SUGCT: variants seen among roughly 807,000 people sequenced by gnomAD.
The protein encoded by SUGCT is succinyl-CoA:glutarate CoA-transferase.
In SUGCT, 41 loss-of-function variants were observed where a neutral mutation model predicts 55.0. The observed-to-expected ratio is 0.74, with a 90% CI of 0.58 to 0.97. SUGCT has a LOEUF of 0.97. SUGCT is among the 50% of genes least tolerant of loss of function. The probability of loss-of-function intolerance (pLI) is 0.00; values close to 1 mark genes in which losing one functional copy is unlikely to be tolerated. For synonymous variants in SUGCT, 187 were observed against 200.4 expected (o/e 0.93, Z 0.56); for missense variants, 568 against 547.8 (o/e 1.04, Z -0.37).
intron 8 of SUGCT, among the ~76,000 whole-genome samples, chr7:40,294,153 G>T (rs1354730391): frequency 6.6e-6 from 1 of 151,944 alleles, no homozygotes; most frequent in East Asian, 1.9e-4. Context: ...TCACCATGCT[G>T]GCCAGGCTGG....
At chr7:40,493,562 A>T (rs1158962863) in intron 11 of SUGCT, among the ~76,000 whole-genome samples, 1 of 152,232 alleles carries the variant, frequency 6.6e-6, no homozygotes, top group Non-Finnish European at 1.5e-5. Context: ...CATTCCCAGT[A>T]TTAAGTGAAT....
At chr7:40,255,977 G>GCC (rs1790788135) in intron 7 of SUGCT, among the ~76,000 whole-genome samples, 1 of 152,290 alleles carries the variant, frequency 6.6e-6, no homozygotes, top group African/African-American at 2.4e-5. Flanking sequence ...CATGTTGGGG[G>GCC]ATGGTCGGTG....
At chr7:40,202,987 T>G (rs1311052885) in intron 6 of SUGCT, among the ~76,000 whole-genome samples, 1 of 152,218 alleles carries the variant, frequency 6.6e-6, no homozygotes, top group Non-Finnish European at 1.5e-5. Flanking sequence ...CCTTTGGTAT[T>G]CTTTCAGACA....
At chr7:40,836,284 C>A (rs1471190084) in intron 13 of SUGCT, among the ~76,000 whole-genome samples, 1 of 152,050 alleles carries the variant, frequency 6.6e-6, no homozygotes, top group Admixed American at 6.5e-5. Flanking sequence ...TTTTTGTTGT[C>A]TTTTCATAGC....
intron 13 of SUGCT, among the ~76,000 whole-genome samples, chr7:40,800,513 A>G (rs1338308320): frequency 6.6e-6 from 1 of 151,794 alleles, no homozygotes; most frequent in African/African-American, 2.4e-5. Context: ...GCTGGTCTCA[A>G]ACTCCTGACC....
chr7:40,906,749 G>T, the SUGCT span, among the ~76,000 whole-genome samples: 1 of 152,132 alleles, frequency 6.6e-6, no homozygotes, highest in East Asian at 1.9e-4. Flanking sequence ...TCCTGGAACC[G>T]ATATCCCATG....
At chr7:40,463,504 G>C (rs1052648323) in intron 11 of SUGCT, among the ~76,000 whole-genome samples, 5 of 152,084 alleles carry the variant, frequency 3.3e-5, no homozygotes, top group Non-Finnish European at 7.4e-5. Flanking sequence ...AGAATCAGGT[G>C]ATTCTCCTAT....
At chr7:40,880,301 A>T in the SUGCT span, among the ~76,000 whole-genome samples, 328 of 152,308 alleles carry the variant, frequency 2.2e-3, 10 homozygotes, top group East Asian at 0.052. Flanking sequence ...AGGCAAGAGT[A>T]CTTCATAAGT....
intron 7 of SUGCT, among the ~76,000 whole-genome samples, chr7:40,241,346 A>T (rs2150890050): frequency 6.6e-6 from 1 of 152,256 alleles, no homozygotes; most frequent in Non-Finnish European, 1.5e-5. Flanking sequence ...TGGGAGGCTG[A>T]GGCGGGCGGA....
chr7:40,511,742 C>T (rs1235089139), intron 12 of SUGCT, among the ~76,000 whole-genome samples: 1 of 152,028 alleles, frequency 6.6e-6, no homozygotes, highest in African/African-American at 2.4e-5. Flanking sequence ...AATGTTAAAG[C>T]GTATAATGGC....
chr7:41,032,917 T>C, the SUGCT span, among the ~76,000 whole-genome samples: 1 of 152,094 alleles, frequency 6.6e-6, no homozygotes, highest in Non-Finnish European at 1.5e-5. Context: ...GCACATGCCA[T>C]CATGCCCAGC....
intron 8 of SUGCT, among the ~76,000 whole-genome samples, chr7:40,310,045 T>G (rs981556284): frequency 6.6e-6 from 1 of 152,156 alleles, no homozygotes; most frequent in Non-Finnish European, 1.5e-5. Context: ...CCCTTAAGTA[T>G]AGGCTTATGT....
chr7:40,993,961 A>G, the SUGCT span, among the ~76,000 whole-genome samples: 1 of 152,214 alleles, frequency 6.6e-6, no homozygotes, highest in Admixed American at 6.5e-5. Flanking sequence ...TGTAGGGACA[A>G]GAGTTGTAAG....
chr7:40,693,838 G>A (rs1469689089), intron 12 of SUGCT, among the ~76,000 whole-genome samples: 1 of 152,108 alleles, frequency 6.6e-6, no homozygotes, highest in African/African-American at 2.4e-5. Flanking sequence ...CCATGACCTG[G>A]GAAAGTTCTA....
intron 13 of SUGCT, among the ~76,000 whole-genome samples, chr7:40,775,383 C>T (rs556416398): frequency 6.6e-6 from 1 of 152,346 alleles, no homozygotes; most frequent in African/African-American, 2.4e-5. Flanking sequence ...GTCCCAGTTT[C>T]TCTACTGGAA....
chr7:40,680,830 AAGT>A (rs1784204311), intron 12 of SUGCT, among the ~76,000 whole-genome samples: 1 of 152,172 alleles, frequency 6.6e-6, no homozygotes, highest in Non-Finnish European at 1.5e-5. Context: ...CAGTCTTCTA[AAGT>A]AGTAGTACAG....
At chr7:40,542,095 T>C (rs1439430602) in intron 12 of SUGCT, among the ~76,000 whole-genome samples, 1 of 152,186 alleles carries the variant, frequency 6.6e-6, no homozygotes, top group Non-Finnish European at 1.5e-5. Flanking sequence ...TTCACTTTGG[T>C]TGGAGCAGAG....
Position 40,245,434 on chromosome 7 carries a change from T to TAA in SUGCT, c.576+7708_576+7709insAA, listed in dbSNP as rs776072413. Among the ~76,000 whole-genome samples, 8 of 53,488 alleles carry TAA rather than the reference T, an allele frequency of 1.5e-4. 2 individuals are homozygous for TAA. The highest frequency in any genetic ancestry group is 7.5e-4 in the East Asian group (1 of 1,330). 35.1% of individuals were successfully genotyped at this position (53,488 alleles called of 152,430 possible). On this transcript the variant is annotated intron_variant, in intron 7 of 13. Coordinates refer to ENST00000335693, the MANE Select transcript of SUGCT (RefSeq NM_001193313.2). ...ATATATATATATATATTTTTTTTTTTTTTTTTTTTTTTTTTTTTTTTTTGA... is the reference window on the plus strand; with the variant it reads ...ATATATATATATATATTTTTTTTTTTAATTTTTTTTTTTTTTTTTTTTTTTGA...
rs534205265 is a variant in SUGCT at position 40,438,025 on chromosome 7, A to G, written c.817-11262A>G. ...CATTTTTTTCTTTTCCCACTTGATTATATGATATATTGTGTTGACATGGAC... is the reference window on the plus strand; with the variant it reads ...CATTTTTTTCTTTTCCCACTTGATTGTATGATATATTGTGTTGACATGGAC... On this transcript the variant is annotated intron_variant, in intron 9 of 13. Transcript: ENST00000335693. Among the ~76,000 whole-genome samples the G allele has an allele frequency of 2.6e-5, 4 of 152,158 alleles. No individual in the cohort carries two copies. The East Asian group carries it at 7.7e-4, about 29-fold the overall frequency.
Sources: gnomAD v4.1 joint callset for allele counts (sites outside exome capture counted in the v4.1 genomes callset) on GRCh38, gnomAD v4.1.1 for gene constraint, MANE v1.5 for transcripts, NCBI Gene and HGNC (gene_info 2026-07-23, HGNC 2026-07-21) for gene names.